PPARGC1A: variants seen among roughly 807,000 people sequenced by gnomAD.
The protein encoded by PPARGC1A is peroxisome proliferator-activated receptor gamma coactivator 1-alpha.
Under a neutral mutation model 88.7 loss-of-function variants are expected in PPARGC1A, and 25 were observed. The ratio of observed to expected loss-of-function variants is 0.28; its 90% CI spans 0.21 to 0.39. The LOEUF (loss-of-function observed/expected upper bound fraction) is 0.39, where lower values mean the gene tolerates loss of function less well. Among genes scored for constraint, PPARGC1A ranks in the 10% least tolerant of loss-of-function variants. The pLI is 1.00. For synonymous variants in PPARGC1A, 363 were observed against 355.6 expected (o/e 1.02, Z -0.24); for missense variants, 880 against 968.7 (o/e 0.91, Z 1.22).
chr4:24,109,599 G>C, the PPARGC1A span, among the ~76,000 whole-genome samples: 2 of 152,118 alleles, frequency 1.3e-5, no homozygotes, highest in Middle Eastern at 3.2e-3. Flanking sequence ...TGAAATGTTA[G>C]AGTCTCCATC....
the PPARGC1A span, among the ~76,000 whole-genome samples, chr4:24,119,629 A>T: frequency 3.3e-4 from 50 of 151,724 alleles, no homozygotes; most frequent in African/African-American, 1.2e-3. Flanking sequence ...ATTTATAAAG[A>T]TTTCTTATTT....
At chr4:24,232,166 C>T in the PPARGC1A span, among the ~76,000 whole-genome samples, 25 of 151,518 alleles carry the variant, frequency 1.6e-4, no homozygotes, top group South Asian at 4.6e-3. Context: ...GATCCGACTC[C>T]GTTCTTTACT....
At chr4:24,169,188 C>T in the PPARGC1A span, among the ~76,000 whole-genome samples, 1 of 152,118 alleles carries the variant, frequency 6.6e-6, no homozygotes, top group Admixed American at 6.6e-5. Context: ...CAAGACTAAT[C>T]CCAGGTGAAG....
At chr4:23,866,237 C>CTGTT (rs1711963164) in intron 2 of PPARGC1A, 1 of 7,674 alleles carries the variant, frequency 1.3e-4, no homozygotes, top group Non-Finnish European at 2.4e-4. Context: ...TACAGCTCGC[C>CTGTT]TTTCTTTACC....
chr4:23,966,847 AC>A, the PPARGC1A span, among the ~76,000 whole-genome samples: 1 of 152,306 alleles, frequency 6.6e-6, no homozygotes, highest in Admixed American at 6.5e-5. Flanking sequence ...TGCAGGTTCA[AC>A]ATTCAGAGGA....
chr4:24,445,989 C>T, the PPARGC1A span, among the ~76,000 whole-genome samples: 4 of 152,088 alleles, frequency 2.6e-5, no homozygotes, highest in African/African-American at 7.2e-5. Flanking sequence ...TCACTTGAAC[C>T]TGGGAGGCAG....
upstream of PPARGC1A, among the ~76,000 whole-genome samples, chr4:23,900,963 G>A (rs1207780207): frequency 6.6e-6 from 1 of 152,182 alleles, no homozygotes; most frequent in Non-Finnish European, 1.5e-5. Flanking sequence ...GGTGGCTCAC[G>A]CCTGTAATCC....
the PPARGC1A span, among the ~76,000 whole-genome samples, chr4:24,042,181 C>A: frequency 6.6e-6 from 1 of 152,250 alleles, no homozygotes; most frequent in Admixed American, 6.5e-5. Context: ...GTCTACCAGC[C>A]CCGCTCAGCA....
At chr4:24,122,385 ATGTGTGTG>A in the PPARGC1A span, among the ~76,000 whole-genome samples, 7 of 105,920 alleles carry the variant, frequency 6.6e-5, no homozygotes, top group Non-Finnish European at 9.8e-5. Flanking sequence ...GTGTATGCGT[ATGTGTGTG>A]TGTGTGTGTG....
In PPARGC1A at chr4:23,813,729, C is replaced by G; in HGVS notation, c.1754G>C (p.Arg585Thr). ...ACTGCCTGGAGACCTTGATCTTGAC[C>G]TGGAATATGGTGATCGGGAACACGA... is the stretch of plus-strand genomic sequence containing the variant. The part of the protein sequence containing the change: ...HRSCSRSPYS[R>T]SRSRSPGSRS... Residue 585 changes from arginine (R) to threonine (T), a missense_variant, in exon 8 of 13, where the codon AGG (arginine) becomes ACG (threonine). By Grantham distance (71) the Arg-to-Thr change is moderately conservative. Coordinates refer to ENST00000264867, the MANE Select transcript of PPARGC1A (RefSeq NM_013261.5). 1 of 1,610,648 alleles carries G rather than the reference C, an allele frequency of 6.2e-7. No homozygotes were observed. Among genetic ancestry groups the G allele is most frequent in the East Asian group, 2.2e-5 (1 of 44,846 alleles).
the PPARGC1A span, among the ~76,000 whole-genome samples, chr4:24,426,805 G>T: frequency 1.3e-5 from 2 of 152,124 alleles, no homozygotes; most frequent in Admixed American, 6.5e-5. Flanking sequence ...TGAAAAATAT[G>T]TACCTTAGGG....
chr4:23,884,999 T>G, intron 1 of PPARGC1A, 68 bp from the exon 2 acceptor site: 2 of 1,323,222 alleles, frequency 1.5e-6, no homozygotes, highest in Non-Finnish European at 1.0e-6. Context: ...TAAACTGCAA[T>G]AGCATGTGAT....
the PPARGC1A span, among the ~76,000 whole-genome samples, chr4:23,920,144 C>T: frequency 1.3e-5 from 2 of 152,162 alleles, no homozygotes; most frequent in African/African-American, 4.8e-5. Context: ...AATCCCATCA[C>T]AAGCTGTCAG....
At chr4:24,094,736 A>G in the PPARGC1A span, among the ~76,000 whole-genome samples, 1 of 152,266 alleles carries the variant, frequency 6.6e-6, no homozygotes, top group Non-Finnish European at 1.5e-5. Flanking sequence ...TAATGAGAAC[A>G]TACATTAATA....
chr4:24,095,178 C>T, the PPARGC1A span, among the ~76,000 whole-genome samples: 3 of 141,648 alleles, frequency 2.1e-5, no homozygotes, highest in Non-Finnish European at 4.5e-5. Context: ...AGTGCAGTGG[C>T]ACGATCCTGG....
At chr4:24,039,735 C>T in the PPARGC1A span, among the ~76,000 whole-genome samples, 1 of 152,122 alleles carries the variant, frequency 6.6e-6, no homozygotes. Context: ...AAGCAACTTG[C>T]CACAAATGGA....
At chr4:24,443,371 C>T in the PPARGC1A span, among the ~76,000 whole-genome samples, 1 of 151,706 alleles carries the variant, frequency 6.6e-6, no homozygotes, top group African/African-American at 2.4e-5. Flanking sequence ...GAGATGACGT[C>T]ACACCTGAAC....
At position 23,813,879 on chromosome 4, in the gene PPARGC1A, T is replaced by C. The variant is rs747927515; in HGVS notation, c.1604A>G (p.Asn535Ser). 15 of 1,613,934 alleles carry C rather than the reference T, an allele frequency of 9.3e-6. No homozygotes were observed. The highest frequency in any genetic ancestry group is 3.3e-5 in the Admixed American group (2 of 59,998). ...WDGTQSYSLFNVSPSCSSFNS... is the reference protein window; with the variant it reads ...WDGTQSYSLFSVSPSCSSFNS... ...AAAAGAAGAACAAGAAGGAGACACATTGAACAATGAATAGGATTGCGTGCC... is the reference window on the plus strand; with the variant it reads ...AAAAGAAGAACAAGAAGGAGACACACTGAACAATGAATAGGATTGCGTGCC... The change falls in exon 8 of 13, where the codon AAT becomes AGT. Residue 535 changes from asparagine (N) to serine (S), a missense_variant. Transcript: ENST00000264867.
the PPARGC1A span, among the ~76,000 whole-genome samples, chr4:24,386,712 C>A: frequency 6.6e-6 from 1 of 152,132 alleles, no homozygotes; most frequent in Non-Finnish European, 1.5e-5. Flanking sequence ...TCAAGGAGTA[C>A]TACAAACCAC....
Sources: allele counts gnomAD v4.1 joint callset (sites outside exome capture counted in the v4.1 genomes callset), GRCh38; gene constraint gnomAD v4.1.1; transcripts MANE v1.5; gene names NCBI Gene and HGNC (gene_info 2026-07-23, HGNC 2026-07-21).